Variants in TTC34 observed in about 807,000 individuals in gnomAD.
The protein encoded by TTC34 is tetratricopeptide repeat protein 34.
TTC34 carries 44 observed loss-of-function variants against 40.7 expected under a neutral mutation model. That is an observed-to-expected ratio of 1.08 (90% CI 0.85 to 1.39). The LOEUF is 1.39. Ranked by LOEUF, TTC34 falls within the 40% of genes most tolerant of loss-of-function variation. The pLI is 0.00. For synonymous variants in TTC34, 422 were observed against 398.6 expected (o/e 1.06, Z -0.70); for missense variants, 884 against 838.0 (o/e 1.05, Z -0.68).
chr1:2,781,209 G>A (rs1319190657), intron 6 of TTC34, among the ~76,000 whole-genome samples: 4 of 152,118 alleles, frequency 2.6e-5, no homozygotes, highest in African/African-American at 9.7e-5. Context: ...TAGGGGTTGG[G>A]GGTTCCACAG....
rs1638995377 is a variant in TTC34, at chr1:2,645,224, A to G, written c.2497+69T>C. On this transcript the variant is annotated intron_variant, in intron 7 of 8. Transcript: ENST00000401095. The surrounding 1 kb of genome is among the most constrained non-coding windows in gnomAD (Gnocchi z 4.7). ...CTTTCTTCCATTTTTACAGAACAGG[A>G]TACAGAGGTCAGAGGAGCGGGGACA... 7.0e-7 allele frequency: 1 copy of G among 1,419,984 alleles called. No individual in the cohort carries two copies. Among genetic ancestry groups the G allele is most frequent in the African/African-American group, 1.4e-5 (1 of 69,154 alleles). The allele number at this position is 1,419,984 out of a possible 1,614,324, so 88.0% of individuals were successfully genotyped here. A position where few individuals can be genotyped will look rare whatever the true frequency, so the allele number is the denominator to read the frequency against.
At position 2,686,433 on chromosome 1, in the gene TTC34, A is replaced by G. The variant is rs796111625; in HGVS notation, c.2227-40870T>C. The stretch of plus-strand genomic sequence containing the variant: ...TGAGCATCTGACAGCCTGGAACAGA[A>G]CCCACACCCCCAGGTGAGCATCTGA... On this transcript the variant is annotated intron_variant, in intron 6 of 8. Coordinates refer to ENST00000401095, the Ensembl canonical transcript of TTC34. Among the ~76,000 whole-genome samples the G allele has an allele frequency of 9.0e-3, 986 of 109,756 alleles. 6 individuals are homozygous for G. The highest frequency in any genetic ancestry group is 0.031 in the African/African-American group (735 of 23,556). 72.0% of individuals were successfully genotyped at this position (109,756 alleles called of 152,430 possible).
intron 6 of TTC34, among the ~76,000 whole-genome samples, chr1:2,777,572 C>T (rs977578713): frequency 6.6e-6 from 1 of 151,846 alleles, no homozygotes; most frequent in Non-Finnish European, 1.5e-5. Flanking sequence ...GGCTGAGAGA[C>T]AGGACAGGGT....
intron 6 of TTC34, among the ~76,000 whole-genome samples, chr1:2,699,582 G>A (rs376822488): frequency 0.02 from 2,791 of 142,364 alleles, 72 homozygotes; most frequent in African/African-American, 0.069. Context: ...ACCCCCAGGT[G>A]AGCATCTGAC....
intron 6 of TTC34, among the ~76,000 whole-genome samples, chr1:2,748,163 C>A (rs1380120791): frequency 1.6e-5 from 1 of 61,402 alleles, no homozygotes; most frequent in Non-Finnish European, 2.9e-5. Flanking sequence ...CCCACACCCC[C>A]AGGCGAGCAT....
intron 2 of TTC34, among the ~76,000 whole-genome samples, chr1:2,791,118 AGCACCCTCCCCGC>A (rs1643658051): frequency 8.2e-6 from 1 of 121,268 alleles, no homozygotes. Context: ...CCACTCCCCC[AGCACCCTCCCCGC>A]GCACCTGCCC....
At chr1:2,789,549 C>A in exon 3 of TTC34, 1 of 1,498,020 alleles carries the variant, frequency 6.7e-7, no homozygotes, top group Non-Finnish European at 8.9e-7. Flanking sequence ...TCCCTCCGGC[C>A]CTGCGCTCTG....
At chr1:2,801,646 GA>G (rs965328984) in exon 1 of TTC34, 2 of 152,324 alleles carry the variant, frequency 1.3e-5, no homozygotes, top group Non-Finnish European at 2.9e-5. Flanking sequence ...GGTGGTGGGG[GA>G]CAGAGGGATG....
At chr1:2,769,628 C>T (rs1420743536) in intron 6 of TTC34, among the ~76,000 whole-genome samples, 1 of 135,012 alleles carries the variant, frequency 7.4e-6, no homozygotes. Flanking sequence ...ACAGCACCCA[C>T]ACCCCCAGGT....
At chr1:2,751,818 A>G (rs1286036072) in intron 6 of TTC34, among the ~76,000 whole-genome samples, 1 of 100,190 alleles carries the variant, frequency 1.0e-5, no homozygotes, top group Admixed American at 1.1e-4. Flanking sequence ...TCCCCAGGTG[A>G]GAATCTGACA....
intron 2 of TTC34, among the ~76,000 whole-genome samples, chr1:2,791,902 G>C (rs1045810976): frequency 6.7e-6 from 1 of 150,092 alleles, no homozygotes; most frequent in Non-Finnish European, 1.5e-5. Context: ...TCTGTTCTTC[G>C]TATCGAGTAA....
intron 6 of TTC34, among the ~76,000 whole-genome samples, chr1:2,694,053 T>G (rs201644872): frequency 0.017 from 147 of 8,820 alleles, no homozygotes; most frequent in Middle Eastern, 0.056. Flanking sequence ...TCACAGCACG[T>G]AACAGCACCC....
chr1:2,693,253 A>G (rs1460894467), intron 6 of TTC34, among the ~76,000 whole-genome samples: 30 of 110,028 alleles, frequency 2.7e-4, no homozygotes, highest in African/African-American at 3.3e-4. Flanking sequence ...ACAGCCTGGA[A>G]CAGAACCCAC....
intron 6 of TTC34, among the ~76,000 whole-genome samples, chr1:2,688,274 G>T (rs1354001518): frequency 1.2e-4 from 18 of 145,698 alleles, no homozygotes; most frequent in African/African-American, 4.3e-4. Context: ...TGACAGCCTG[G>T]ATCAGCACCC....
intron 6 of TTC34, among the ~76,000 whole-genome samples, chr1:2,654,366 CT>C (rs1639266021): frequency 2.0e-5 from 3 of 151,314 alleles, no homozygotes; most frequent in Non-Finnish European, 2.9e-5. Flanking sequence ...GAACAGGACC[CT>C]GCACCCCCAG....
At position 2,760,964 on chromosome 1, in the gene TTC34, C is replaced by A. The variant is rs1170126937; in HGVS notation, c.2226+22645G>T. On this transcript the variant is annotated intron_variant, in intron 6 of 8. Transcript: ENST00000401095. ...TGACAGCCTGGAGCAGCGTCCACACCCCCAGGTGAGCATCTGATAGCCTGG... is the reference window on the plus strand; with the variant it reads ...TGACAGCCTGGAGCAGCGTCCACACACCCAGGTGAGCATCTGATAGCCTGG... Among the ~76,000 whole-genome samples, 2 of 65,950 alleles carry A rather than the reference C, an allele frequency of 3.0e-5. 1 individual carries two copies. The highest frequency in any genetic ancestry group is 5.1e-5 in the Non-Finnish European group (2 of 39,334). 43.3% of individuals were successfully genotyped at this position (65,950 alleles called of 152,430 possible). A position where few individuals can be genotyped will look rare whatever the true frequency, so the allele number is the denominator to read the frequency against.
intron 6 of TTC34, among the ~76,000 whole-genome samples, chr1:2,654,164 C>T (rs1226913982): frequency 6.6e-6 from 1 of 152,226 alleles, no homozygotes. Flanking sequence ...GGAGCAGCAC[C>T]CACACCCCCA....
At chr1:2,776,319 C>A (rs1432568159) in intron 6 of TTC34, 4 of 135,364 alleles carry the variant, frequency 3.0e-5, no homozygotes, top group Non-Finnish European at 6.1e-5. Flanking sequence ...TGGAACAAGA[C>A]CACTGCCCCC....
chr1:2,781,533 T>A (rs1046142824), intron 6 of TTC34, among the ~76,000 whole-genome samples: 2 of 152,218 alleles, frequency 1.3e-5, no homozygotes, highest in African/African-American at 4.8e-5. Context: ...CTTGCCTAGT[T>A]ATTCTGGCTA....
Sources: allele counts gnomAD v4.1 joint callset (sites outside exome capture counted in the v4.1 genomes callset), GRCh38; gene constraint gnomAD v4.1.1; non-coding constraint Gnocchi (gnomAD v3.1); transcripts MANE v1.5; gene names NCBI Gene and HGNC (gene_info 2026-07-23, HGNC 2026-07-21).